Variants in MYO18A observed in about 807,000 individuals in gnomAD.
The protein encoded by MYO18A is myosin XVIIIA.
A neutral mutation model predicts 235.8 loss-of-function variants in MYO18A; 78 were observed. The ratio of observed to expected loss-of-function variants is 0.33; its 90% CI spans 0.28 to 0.40. The LOEUF is 0.40. Among genes scored for constraint, MYO18A ranks in the 10% least tolerant of loss-of-function variants. The pLI, the probability that MYO18A is intolerant of heterozygous loss-of-function variation, is 1.00. For missense variants in MYO18A, 2,215 were observed against 2,699.3 expected (o/e 0.82, Z 3.98); for synonymous variants, 977 against 1,077.8 (o/e 0.91, Z 1.83).
At chr17:29,114,799 A>G (rs1323040712) in intron 14 of MYO18A, 108 bp downstream of exon 14, 1 of 1,207,412 alleles carries the variant, frequency 8.3e-7, no homozygotes, top group Admixed American at 2.7e-5. Context: ...AGAGCGCAGG[A>G]GGACAGAAAT....
intron 2 of MYO18A, among the ~76,000 whole-genome samples, chr17:29,148,859 C>G (rs995752153): frequency 6.6e-6 from 1 of 152,328 alleles, no homozygotes; most frequent in South Asian, 2.1e-4. Flanking sequence ...CAGCACCCTA[C>G]GCACGGGTCA....
Position 29,126,645 on chromosome 17 carries a change from C to T in MYO18A, c.1000-4392G>A, listed in dbSNP as rs771091861. On this transcript the variant is annotated intron_variant, in intron 2 of 41. Coordinates refer to ENST00000527372, the MANE Select transcript of MYO18A (RefSeq NM_078471.4). The surrounding 1 kb of genome is among the most constrained non-coding windows in gnomAD (Gnocchi z 4.1). ...GCTATTCCCCCATACCCTCCAGACC[C>T]CTCTCCTTCCAGCCAGAAGGAGCCT... 2.6e-5 allele frequency among the ~76,000 whole-genome samples: 4 copies of T among 152,200 alleles called. No individual in the cohort carries two copies. The highest frequency in any genetic ancestry group is 4.8e-5 in the African/African-American group (2 of 41,452).
At chr17:29,090,975 G>A (rs1303810918) in intron 34 of MYO18A, 49 bp from the exon 35 acceptor site, 1 of 1,485,378 alleles carries the variant, frequency 6.7e-7, no homozygotes, top group African/African-American at 1.4e-5. Context: ...CAGTGTGCCT[G>A]TGGGCTCCAG....
chr17:29,177,967 C>G (rs1043787636), intron 1 of MYO18A, among the ~76,000 whole-genome samples: 3 of 152,222 alleles, frequency 2.0e-5, no homozygotes, highest in Non-Finnish European at 2.9e-5. Flanking sequence ...GTTCCAACAA[C>G]TCCCAGCTCC....
intron 2 of MYO18A, among the ~76,000 whole-genome samples, chr17:29,162,697 G>A (rs532873809): frequency 7.9e-5 from 12 of 152,356 alleles, no homozygotes; most frequent in African/African-American, 2.6e-4. Context: ...TGGAGCCCAG[G>A]ACCTAGTATG....
chr17:29,113,370 C>T (rs932336214), intron 15 of MYO18A, among the ~76,000 whole-genome samples: 1 of 152,240 alleles, frequency 6.6e-6, no homozygotes, highest in South Asian at 2.1e-4. Context: ...GGCGGACAAT[C>T]GCCAAATGCC....
intron 1 of MYO18A, among the ~76,000 whole-genome samples, chr17:29,170,301 T>C (rs2068373608): frequency 6.6e-6 from 1 of 152,218 alleles, no homozygotes; most frequent in South Asian, 2.1e-4. Context: ...AGGCACCTCT[T>C]CCCCACTGCC....
At chr17:29,092,730 TC>T (rs1399961277) in intron 33 of MYO18A, 124 bp downstream of exon 33, 4 of 1,351,054 alleles carry the variant, frequency 3.0e-6, no homozygotes, top group Non-Finnish European at 3.1e-6. Context: ...CACGTGGCTC[TC>T]CCCTCTTTCC....
intron 2 of MYO18A, among the ~76,000 whole-genome samples, 186 bp from the exon 3 acceptor site, chr17:29,122,439 G>A (rs933186829): frequency 6.0e-4 from 91 of 152,216 alleles, no homozygotes; most frequent in Non-Finnish European, 2.2e-4. Flanking sequence ...GAAGCTAGGA[G>A]GCAAGGGTGG....
chr17:29,106,972 C>A lies in MYO18A; in HGVS notation c.3441+108G>T. 9.2e-7 allele frequency: 1 copy of A among 1,087,358 alleles called. No individual in the cohort carries two copies. The highest frequency in any genetic ancestry group is 1.4e-6 in the Non-Finnish European group (1 of 723,654). 67.4% of individuals were successfully genotyped at this position (1,087,358 alleles called of 1,614,324 possible). A position where few individuals can be genotyped will look rare whatever the true frequency, so the allele number is the denominator to read the frequency against. The stretch of plus-strand genomic sequence containing the variant: ...GTGCTTCCAAAACTGGGAGCCTGAG[C>A]AGGGCCAGATGAGCTGTCTCCAGGG... On this transcript the variant is annotated intron_variant, in intron 20 of 41. Transcript: ENST00000527372. The surrounding 1 kb of genome is among the most constrained non-coding windows in gnomAD (Gnocchi z 4.6).
rs184921820 is a variant in MYO18A at position 29,121,103 on chromosome 17, T to C, written c.1480A>G (p.Ile494Val). ...AMLMSRQDQS[I>V]ILLGSSGSGK... ...CTGCCACTACTGCCCAGGAGGATGA[T>C]TGACTGATCCTGACGGCTCATCAGC... is the stretch of plus-strand genomic sequence containing the variant. The change falls in exon 6 of 42, where the codon ATC becomes GTC. Residue 494 changes from isoleucine (I) to valine (V), a missense_variant. Ile to Val is a conservative substitution (Grantham distance 29). Transcript: ENST00000527372. The surrounding 1 kb of genome is among the most constrained non-coding windows in gnomAD (Gnocchi z 4.2). The C allele has an allele frequency of 1.5e-4, 249 of 1,612,380 alleles. No homozygotes were observed. Among genetic ancestry groups the C allele is most frequent in the Admixed American group, 1.2e-3 (70 of 59,822 alleles).
At chr17:29,091,561 C>T (rs1260829496) in intron 34 of MYO18A, 2 of 449,966 alleles carry the variant, frequency 4.4e-6, no homozygotes, top group African/African-American at 2.0e-5. Flanking sequence ...TTTATTAACT[C>T]AGATTTAAAT....
chr17:29,145,636 G>A (rs1490460897), intron 2 of MYO18A, among the ~76,000 whole-genome samples: 2 of 152,148 alleles, frequency 1.3e-5, no homozygotes, highest in African/African-American at 4.8e-5. Context: ...CCTAGCACTG[G>A]GCCCTGCTCA....
chr17:29,095,004 G>A lies in MYO18A; in HGVS notation c.4441C>T (p.Arg1481Trp), dbSNP rs751247065. Reference sequence around the variant, plus strand: ...TCCTTCTCCCGCTGCAGCTTCTCCCGCTGCAGCTTCTCCCGCTGGGCCTCC... The same window carrying A: ...TCCTTCTCCCGCTGCAGCTTCTCCCACTGCAGCTTCTCCCGCTGGGCCTCC... ...HEEAQREKLQ[R>W]EKLQREKDML... Residue 1481 changes from arginine (R) to tryptophan (W), a missense_variant, in exon 29 of 42, where the codon CGG becomes TGG. Physicochemically the swap from Arg to Trp is moderately radical, Grantham distance 101. Transcript: ENST00000527372. The A allele has an allele frequency of 1.2e-5, 19 of 1,586,342 alleles. No homozygotes were observed. The highest frequency in any genetic ancestry group is 1.4e-5 in the Non-Finnish European group (16 of 1,165,230).
At chr17:29,142,668 A>C (rs909852737) in intron 2 of MYO18A, among the ~76,000 whole-genome samples, 9 of 152,224 alleles carry the variant, frequency 5.9e-5, no homozygotes, top group Admixed American at 5.9e-4. Context: ...TTAAAGTCTG[A>C]GAAGCACGGC....
intron 2 of MYO18A, among the ~76,000 whole-genome samples, chr17:29,134,456 A>G (rs930460502): frequency 6.6e-6 from 1 of 152,176 alleles, no homozygotes; most frequent in African/African-American, 2.4e-5. Context: ...AGTCTAGACA[A>G]TGGCTCAAGG....
chr17:29,154,362 C>T (rs2068023204), intron 2 of MYO18A, among the ~76,000 whole-genome samples: 1 of 152,056 alleles, frequency 6.6e-6, no homozygotes, highest in Non-Finnish European at 1.5e-5. Context: ...GCTGGTACCC[C>T]TAGGAGAAGG....
chr17:29,134,011 G>A, intron 2 of MYO18A: 1 of 389,816 alleles, frequency 2.6e-6, no homozygotes, highest in Non-Finnish European at 4.7e-6. Context: ...GGGCATTGGA[G>A]TAAGGAATAA....
At position 29,117,182 on chromosome 17, in the gene MYO18A, G is replaced by A. The variant is rs1408702849; in HGVS notation, c.2039-727C>T. On this transcript the variant is annotated intron_variant, in intron 10 of 41. Transcript: ENST00000527372. This position sits in a 1 kb window ranked among gnomAD's most constrained non-coding sequence, Gnocchi z 4.6. ...TTTCCCTAAACTGGAGAAAAAGGGG[G>A]TGAAGAGGTGCTCGAATCGCCATCC... is the stretch of plus-strand genomic sequence containing the variant. Among the ~76,000 whole-genome samples the A allele has an allele frequency of 6.6e-6, 1 of 152,148 alleles. No individual in the cohort carries two copies. The highest frequency in any genetic ancestry group is 1.5e-5 in the Non-Finnish European group (1 of 68,020).
Sources: allele counts gnomAD v4.1 joint callset (sites outside exome capture counted in the v4.1 genomes callset), GRCh38; gene constraint gnomAD v4.1.1; non-coding constraint Gnocchi (gnomAD v3.1); transcripts MANE v1.5; gene names NCBI Gene and HGNC (gene_info 2026-07-23, HGNC 2026-07-21).